Variants in FBXO25 observed in about 807,000 individuals in gnomAD.
The protein encoded by FBXO25 is F-box only protein 25.
In FBXO25, 45 loss-of-function variants were observed where a neutral mutation model predicts 51.9. That is an observed-to-expected ratio of 0.87 (90% confidence interval 0.68 to 1.11). The LOEUF is 1.11. Among genes scored for constraint, FBXO25 ranks in the 50% most tolerant of loss-of-function variants. The pLI is 0.00. For missense variants in FBXO25, 507 were observed against 428.5 expected (o/e 1.18, Z -1.62); for synonymous variants, 199 against 151.0 (o/e 1.32, Z -2.33).
chr8:451,486 T>C, intron 7 of FBXO25, 33 bp downstream of exon 7: 1 of 1,581,558 alleles, frequency 6.3e-7, no homozygotes, highest in Non-Finnish European at 8.6e-7. Flanking sequence ...GTTATTACAC[T>C]CTGTTTTTAT....
At chr8:445,146 C>T (rs1374732816) in intron 5 of FBXO25, among the ~76,000 whole-genome samples, 2 of 152,198 alleles carry the variant, frequency 1.3e-5, no homozygotes, top group South Asian at 2.1e-4. Flanking sequence ...GAACACGGCC[C>T]TTCTCACCTC....
intron 5 of FBXO25, 120 bp downstream of exon 5, chr8:435,827 G>A (rs891299064): frequency 1.6e-5 from 22 of 1,410,102 alleles, no homozygotes; most frequent in Admixed American, 2.8e-5. Flanking sequence ...TGTTTGCTGC[G>A]TATTAATCAA....
At chr8:451,843 T>C (rs1799120193) in intron 7 of FBXO25, among the ~76,000 whole-genome samples, 1 of 152,248 alleles carries the variant, frequency 6.6e-6, no homozygotes, top group African/African-American at 2.4e-5. Context: ...TCTTCCTTGC[T>C]GTCTTTTTTG....
chr8:473,100 C>T lies in FBXO25; in HGVS notation c.*4296C>T, dbSNP rs1394802311. On this transcript the variant is annotated 3_prime_UTR_variant, in exon 10 of 10. Coordinates refer to ENST00000350302, the MANE Select transcript of FBXO25 (RefSeq NM_183420.2). ...ATCCACCCTGCACTCATATGTATCTCAACAGAATTGCTGCTTCTGTCTTCA... is the reference window on the plus strand; with the variant it reads ...ATCCACCCTGCACTCATATGTATCTTAACAGAATTGCTGCTTCTGTCTTCA... 2.0e-5 allele frequency: 3 copies of T among 152,412 alleles called. No individual in the cohort carries two copies. Among genetic ancestry groups the T allele is most frequent in the Non-Finnish European group, 2.9e-5 (2 of 68,168 alleles). The allele number at this position is 152,412 out of a possible 1,614,324, so 9.4% of individuals were successfully genotyped here. A position where few individuals can be genotyped will look rare whatever the true frequency, so the allele number is the denominator to read the frequency against.
intron 9 of FBXO25, among the ~76,000 whole-genome samples, chr8:464,366 A>G (rs953395447): frequency 4.6e-5 from 7 of 152,206 alleles, no homozygotes; most frequent in Non-Finnish European, 1.5e-5. Context: ...CGTGGGGGAA[A>G]AAAAATGTTG....
chr8:467,395 T>C (rs564174997), intron 9 of FBXO25, among the ~76,000 whole-genome samples: 1 of 152,362 alleles, frequency 6.6e-6, no homozygotes, highest in South Asian at 2.1e-4. Context: ...ATAGCATCTC[T>C]TCTTCAGTGA....
intron 5 of FBXO25, among the ~76,000 whole-genome samples, chr8:436,712 A>G (rs982283475): frequency 2.2e-4 from 33 of 152,136 alleles, no homozygotes; most frequent in Non-Finnish European, 4.4e-4. Context: ...CCTTGTGGAA[A>G]TTTTCAGTAC....
chr8:412,552 CTTT>C (rs1438043132), intron 1 of FBXO25, among the ~76,000 whole-genome samples: 1 of 152,088 alleles, frequency 6.6e-6, no homozygotes, highest in Non-Finnish European at 1.5e-5. Flanking sequence ...GCTTACTTCC[CTTT>C]TTTGGCCCCT....
intron 2 of FBXO25, among the ~76,000 whole-genome samples, chr8:423,782 G>A (rs1797301084): frequency 6.6e-6 from 1 of 152,180 alleles, no homozygotes; most frequent in Non-Finnish European, 1.5e-5. Context: ...TTGGTAGAAT[G>A]ATTTATTTTC....
At chr8:467,423 T>C (rs1235249839) in intron 9 of FBXO25, among the ~76,000 whole-genome samples, 2 of 152,214 alleles carry the variant, frequency 1.3e-5, no homozygotes, top group Non-Finnish European at 2.9e-5. Context: ...TAAAGGTTAT[T>C]TAGCACTGCA....
intron 9 of FBXO25, 114 bp downstream of exon 9, chr8:463,264 A>C: frequency 4.3e-6 from 5 of 1,173,136 alleles, no homozygotes; most frequent in South Asian, 4.0e-5. Flanking sequence ...TGTTATAAGT[A>C]AGTTAAGGAG....
rs1395950219 is a variant in FBXO25, at chr8:470,600, C to T, written c.*1796C>T. On this transcript the variant is annotated 3_prime_UTR_variant, in exon 10 of 10. Coordinates refer to ENST00000350302, the MANE Select transcript of FBXO25 (RefSeq NM_183420.2). ...TTCACCATGTTGCCCAGGCTGGTCT[C>T]AGGAGTTTGAGCTCAAGCAATCCAC... 6.6e-6 allele frequency: 1 copy of T among 152,180 alleles called. No individual in the cohort carries two copies. The highest frequency in any genetic ancestry group is 2.4e-5 in the African/African-American group (1 of 41,408). 9.4% of individuals were successfully genotyped at this position (152,180 alleles called of 1,614,324 possible). A position where few individuals can be genotyped will look rare whatever the true frequency, so the allele number is the denominator to read the frequency against.
chr8:435,858 C>T (rs1798073859), intron 5 of FBXO25, 151 bp downstream of exon 5: 1 of 1,104,538 alleles, frequency 9.1e-7, no homozygotes, highest in Non-Finnish European at 1.3e-6. Flanking sequence ...GGAACAAGTT[C>T]AGGAGAAAAC....
chr8:452,310 G>A (rs553912783), intron 7 of FBXO25, among the ~76,000 whole-genome samples: 1 of 152,326 alleles, frequency 6.6e-6, no homozygotes, highest in East Asian at 1.9e-4. Flanking sequence ...AGTTAAGCAA[G>A]TTTGTTATAA....
intron 1 of FBXO25, among the ~76,000 whole-genome samples, chr8:411,137 A>G (rs34563509): frequency 0.095 from 14,532 of 152,264 alleles, 747 homozygotes; most frequent in South Asian, 0.14. Context: ...ATTCTATATT[A>G]TAAAATACTC....
rs564585719 is a variant in FBXO25 at position 446,144 on chromosome 8, G to A, written c.382-3846G>A. ...CACTTCACTGCACACTAACGAATGT[G>A]AGGATGGAAAAGGAAAATCATATCT... On this transcript the variant is annotated intron_variant, in intron 5 of 9. Coordinates refer to ENST00000350302, the MANE Select transcript of FBXO25 (RefSeq NM_183420.2). Among the ~76,000 whole-genome samples, 102 of 152,168 alleles carry A rather than the reference G, an allele frequency of 6.7e-4. 1 individual carries two copies. Among genetic ancestry groups the A allele is most frequent in the African/African-American group, 2.4e-3 (99 of 41,488 alleles).
intron 5 of FBXO25, among the ~76,000 whole-genome samples, chr8:444,202 A>T (rs533635003): frequency 6.6e-6 from 1 of 152,246 alleles, no homozygotes; most frequent in Middle Eastern, 3.2e-3. Flanking sequence ...AAGATTGAGC[A>T]AAGTTGATTT....
Position 462,906 on chromosome 8 carries a change from AAAG to A in FBXO25, c.844-98_844-96del, listed in dbSNP as rs1390544403. Reference sequence around the variant, plus strand: ...ACCCTAAAGCTATTGAAGTTTAAAAAAAGAAATTAAAAACTAAAATAAAATGAA... The same window carrying A: ...ACCCTAAAGCTATTGAAGTTTAAAAAAAATTAAAAACTAAAATAAAATGAA... On this transcript the variant is annotated intron_variant, in intron 8 of 9. Coordinates refer to ENST00000350302, the MANE Select transcript of FBXO25 (RefSeq NM_183420.2). The A allele has an allele frequency of 2.2e-6, 3 of 1,379,574 alleles. No individual in the cohort carries two copies. In the East Asian group the frequency reaches 7.3e-5, roughly 34 times the overall value. 85.5% of individuals were successfully genotyped at this position (1,379,574 alleles called of 1,614,324 possible).
chr8:417,681 C>T (rs1796893280), intron 2 of FBXO25, among the ~76,000 whole-genome samples: 1 of 152,226 alleles, frequency 6.6e-6, no homozygotes, highest in African/African-American at 2.4e-5. Context: ...TCTCCTAATG[C>T]ATTGCATGTT....
Sources: allele counts gnomAD v4.1 joint callset (sites outside exome capture counted in the v4.1 genomes callset), GRCh38; gene constraint gnomAD v4.1.1; transcripts MANE v1.5; gene names NCBI Gene and HGNC (gene_info 2026-07-23, HGNC 2026-07-21).